CCDC152: variants seen among roughly 807,000 people sequenced by gnomAD.
The protein encoded by CCDC152 is coiled-coil domain containing 152.
A neutral mutation model predicts 38.1 loss-of-function variants in CCDC152; 37 were observed. The observed-to-expected ratio is 0.97, with a 90% confidence interval of 0.75 to 1.28. CCDC152 has a LOEUF of 1.28. CCDC152 is among the 50% of genes most tolerant of loss of function. CCDC152 has a pLI of 0.00. For missense variants in CCDC152, 259 were observed against 292.1 expected (o/e 0.89, Z 0.83); for synonymous variants, 83 against 87.1 (o/e 0.95, Z 0.26).
intron 6 of CCDC152, among the ~76,000 whole-genome samples, chr5:42,790,278 G>A (rs993508155): frequency 6.6e-6 from 1 of 151,468 alleles, no homozygotes; most frequent in Non-Finnish European, 1.5e-5. Context: ...TCGAGTTCAG[G>A]CACATACAGA....
At chr5:42,785,247 ATTTG>A (rs1280582604) in intron 6 of CCDC152, among the ~76,000 whole-genome samples, 3 of 151,986 alleles carry the variant, frequency 2.0e-5, no homozygotes, top group Non-Finnish European at 4.4e-5. Context: ...ATGCTTTTTC[ATTTG>A]TTTGTGTCAT....
rs771705142 is a variant in CCDC152, at chr5:42,801,364, GC to G, written c.*1584del. 1 of 1,486,402 alleles carries G rather than the reference GC, an allele frequency of 6.7e-7. No individual in the cohort carries two copies. The highest frequency in any genetic ancestry group is 9.1e-7 in the Non-Finnish European group (1 of 1,097,332). The allele number at this position is 1,486,402 out of a possible 1,614,324, so 92.1% of individuals were successfully genotyped here. On this transcript the variant is annotated 3_prime_UTR_variant, in exon 9 of 9. Transcript: ENST00000361970. ...AAATTTATAAATCACTTTTTAACAA[GC>G]TTATAGAGATAGGAATAATGCGTGA...
Position 42,796,772 on chromosome 5 carries a change from CTTAT to C in CCDC152, c.431-56_431-53del, listed in dbSNP as rs1760081302. 3 of 1,142,218 alleles carry C rather than the reference CTTAT, an allele frequency of 2.6e-6. No homozygotes were observed. The African/African-American group carries it at 4.8e-5, about 18-fold the overall frequency. The allele number at this position is 1,142,218 out of a possible 1,614,324, so 70.8% of individuals were successfully genotyped here. A position where few individuals can be genotyped will look rare whatever the true frequency, so the allele number is the denominator to read the frequency against. ...ATTTAAAACACTAAAGAAATACAAA[CTTAT>C]AATAATTTTGAAATTTTTAACAAAT... On this transcript the variant is annotated intron_variant, in intron 6 of 8. Coordinates refer to ENST00000361970, the MANE Select transcript of CCDC152 (RefSeq NM_001134848.2).
intron 2 of CCDC152, among the ~76,000 whole-genome samples, chr5:42,760,174 G>A (rs935759495): frequency 1.3e-5 from 2 of 151,918 alleles, no homozygotes; most frequent in African/African-American, 4.8e-5. Flanking sequence ...CGTGGTGGCA[G>A]GCTCCTATAG....
intron 6 of CCDC152, among the ~76,000 whole-genome samples, chr5:42,794,556 C>T (rs1760049580): frequency 6.6e-6 from 1 of 152,180 alleles, no homozygotes; most frequent in Non-Finnish European, 1.5e-5. Context: ...GCCAGAAGGC[C>T]AGCAACACCA....
chr5:42,777,389 G>C (rs1759781727), intron 4 of CCDC152, among the ~76,000 whole-genome samples: 1 of 151,954 alleles, frequency 6.6e-6, no homozygotes, highest in Non-Finnish European at 1.5e-5. Flanking sequence ...TTGAACCCAG[G>C]AGGGGGAGGT....
chr5:42,772,649 CAAAAA>C (rs71608661), intron 4 of CCDC152, among the ~76,000 whole-genome samples: 1 of 128,436 alleles, frequency 7.8e-6, no homozygotes. Flanking sequence ...GACTCCGTCT[CAAAAA>C]AAAAAAAAAA....
At chr5:42,780,168 T>A (rs1217501356) in intron 5 of CCDC152, among the ~76,000 whole-genome samples, 1 of 152,182 alleles carries the variant, frequency 6.6e-6, no homozygotes, top group Non-Finnish European at 1.5e-5. Context: ...TGTCAAATTC[T>A]AGCAGACAAA....
chr5:42,776,733 A>G (rs1759772289), intron 4 of CCDC152, among the ~76,000 whole-genome samples: 2 of 152,232 alleles, frequency 1.3e-5, no homozygotes, highest in South Asian at 4.1e-4. Context: ...GCCACAATGG[A>G]ATTAAAGTAG....
In CCDC152 at chr5:42,801,109, G is replaced by A. The variant is rs1760185907; in HGVS notation, c.*1328G>A. ...CGGTTCTCTGGGTGACCCTGCCTAT[G>A]CTGACCCTTGTGCTTATGGTGGTGA... is the stretch of plus-strand genomic sequence containing the variant. On this transcript the variant is annotated 3_prime_UTR_variant, in exon 9 of 9. Transcript: ENST00000361970. 1 of 1,614,110 alleles carries A rather than the reference G, an allele frequency of 6.2e-7. No homozygotes were observed. Among genetic ancestry groups the A allele is most frequent in the Non-Finnish European group, 8.5e-7 (1 of 1,180,016 alleles).
intron 6 of CCDC152, among the ~76,000 whole-genome samples, chr5:42,795,574 T>C (rs949091433): frequency 6.6e-6 from 1 of 152,242 alleles, no homozygotes; most frequent in Admixed American, 6.5e-5. Context: ...GAATACGTAT[T>C]ATTTTCAAGT....
At position 42,801,444 on chromosome 5, in the gene CCDC152, G is replaced by T; in HGVS notation, c.*1663G>T. On this transcript the variant is annotated 3_prime_UTR_variant, in exon 9 of 9. Coordinates refer to ENST00000361970, the MANE Select transcript of CCDC152 (RefSeq NM_001134848.2). ...ATTCCAACTAGTTAATTAGAATCGA[G>T]CTGGCTTTGTATTATATTAATGAGA... 1 of 776,472 alleles carries T rather than the reference G, an allele frequency of 1.3e-6. No individual in the cohort carries two copies. The highest frequency in any genetic ancestry group is 2.0e-6 in the Non-Finnish European group (1 of 490,122). The allele number at this position is 776,472 out of a possible 1,614,324, so 48.1% of individuals were successfully genotyped here. A position where few individuals can be genotyped will look rare whatever the true frequency, so the allele number is the denominator to read the frequency against.
At chr5:42,787,688 CTTTATCA>C (rs1759941070) in intron 6 of CCDC152, among the ~76,000 whole-genome samples, 1 of 151,976 alleles carries the variant, frequency 6.6e-6, no homozygotes, top group African/African-American at 2.4e-5. Context: ...GAATTGAAGC[CTTTATCA>C]TTATATAATG....
chr5:42,767,180 T>C (rs990767659), intron 3 of CCDC152, among the ~76,000 whole-genome samples: 5 of 152,090 alleles, frequency 3.3e-5, no homozygotes, highest in Middle Eastern at 6.3e-3. Context: ...GTGTAATAAT[T>C]CACTTAGGAA....
At chr5:42,781,311 A>G (rs1331746153) in intron 5 of CCDC152, among the ~76,000 whole-genome samples, 2 of 152,172 alleles carry the variant, frequency 1.3e-5, no homozygotes, top group African/African-American at 4.8e-5. Flanking sequence ...CCCAGTTTTA[A>G]TTAGAACCGA....
Position 42,801,581 on chromosome 5 carries a change from A to C in CCDC152, c.*1800A>C. The C allele has an allele frequency of 2.2e-6, 1 of 456,918 alleles. No homozygotes were observed. The allele number at this position is 456,918 out of a possible 1,614,324, so 28.3% of individuals were successfully genotyped here. A position where few individuals can be genotyped will look rare whatever the true frequency, so the allele number is the denominator to read the frequency against. ...CAAATGAAGTAAACTGGCAAAAGGA[A>C]CTTGGATTGCAGGAAAGTCAAAGTA... On this transcript the variant is annotated 3_prime_UTR_variant, in exon 9 of 9. Transcript: ENST00000361970.
chr5:42,771,038 G>T (rs1579709537), intron 4 of CCDC152, among the ~76,000 whole-genome samples: 1 of 152,106 alleles, frequency 6.6e-6, no homozygotes, highest in South Asian at 2.1e-4. Context: ...ATATAGTCAT[G>T]TCATCTGCGA....
In CCDC152 at chr5:42,773,180, A is replaced by T. The variant is rs1759724279; in HGVS notation, c.262+3515A>T. 2.6e-5 allele frequency among the ~76,000 whole-genome samples: 4 copies of T among 152,216 alleles called. No individual in the cohort carries two copies. In the South Asian group the frequency reaches 8.3e-4, roughly 32 times the overall value. ...GTTTTTTGGTAACATTATTGAGCTG[A>T]TTAATCAATTACCCTTTGGGTTTAA... On this transcript the variant is annotated intron_variant, in intron 4 of 8. Transcript: ENST00000361970.
At chr5:42,787,858 G>A (rs760841792) in intron 6 of CCDC152, among the ~76,000 whole-genome samples, 2 of 152,122 alleles carry the variant, frequency 1.3e-5, no homozygotes, top group Non-Finnish European at 2.9e-5. Flanking sequence ...CATAGGATGG[G>A]TCTCTTGAAG....
Sources: allele counts gnomAD v4.1 joint callset (sites outside exome capture counted in the v4.1 genomes callset), GRCh38; gene constraint gnomAD v4.1.1; transcripts MANE v1.5; gene names NCBI Gene and HGNC (gene_info 2026-07-23, HGNC 2026-07-21).